NOSIP: variants seen among roughly 807,000 people sequenced by gnomAD.
NOSIP encodes the protein nitric oxide synthase-interacting protein.
A neutral mutation model predicts 36.4 loss-of-function variants in NOSIP; 25 were observed. The observed-to-expected ratio is 0.69, with a 90% CI of 0.50 to 0.96. The LOEUF (loss-of-function observed/expected upper bound fraction) is 0.96. Among genes scored for constraint, NOSIP ranks in the 40% least tolerant of loss-of-function variants. The pLI, the probability that NOSIP is intolerant of heterozygous loss-of-function variation, is 0.00. For synonymous variants in NOSIP, 187 were observed against 179.2 expected (o/e 1.04, Z -0.35); for missense variants, 370 against 429.0 (o/e 0.86, Z 1.21).
At chr19:49,572,953 A>G (rs1373609581) in intron 1 of NOSIP, among the ~76,000 whole-genome samples, 1 of 145,902 alleles carries the variant, frequency 6.9e-6, no homozygotes, top group Non-Finnish European at 1.5e-5. Flanking sequence ...AGCCTGGCCA[A>G]CAGATCAAGA....
chr19:49,555,671 T>TC lies in NOSIP; in HGVS notation c.*79dup, dbSNP rs1340210368. 2 of 1,222,862 alleles carry TC rather than the reference T, an allele frequency of 1.6e-6. No homozygotes were observed. The highest frequency in any genetic ancestry group is 2.4e-6 in the Non-Finnish European group (2 of 832,194). 75.8% of individuals were successfully genotyped at this position (1,222,862 alleles called of 1,614,324 possible). A position where few individuals can be genotyped will look rare whatever the true frequency, so the allele number is the denominator to read the frequency against. ...CGGCCCTGCATCCTCGCCTGCCCTGTCCCCGGGGCGCCCACGCCGCGAATG... is the reference window on the plus strand; with the variant it reads ...CGGCCCTGCATCCTCGCCTGCCCTGTCCCCCGGGGCGCCCACGCCGCGAATG... On this transcript the variant is annotated 3_prime_UTR_variant, in exon 9 of 9. Transcript: ENST00000596358.
At chr19:49,555,918 G>A in intron 8 of NOSIP, 96 bp from the exon 9 acceptor site, 2 of 877,958 alleles carry the variant, frequency 2.3e-6, no homozygotes, top group Non-Finnish European at 3.7e-6. Context: ...GGGTCAAGGT[G>A]AAGCGGGTTG....
At chr19:49,578,840 G>A (rs2080587366) in intron 1 of NOSIP, among the ~76,000 whole-genome samples, 1 of 150,890 alleles carries the variant, frequency 6.6e-6, no homozygotes, top group African/African-American at 2.4e-5. Context: ...AGCCAGGATG[G>A]TCTTGATCTC....
intron 3 of NOSIP, 45 bp from the exon 4 acceptor site, chr19:49,559,023 C>T (rs79151664): frequency 0.024 from 36,626 of 1,501,198 alleles, 540 homozygotes; most frequent in South Asian, 0.042. Context: ...GTGATCCTCC[C>T]GCCTCGGCCT....
chr19:49,558,838 G>A, intron 4 of NOSIP, 59 bp downstream of exon 4: 1 of 1,377,252 alleles, frequency 7.3e-7, no homozygotes, highest in East Asian at 2.3e-5. Context: ...GGCTCTGCCT[G>A]TGAGCTCAGA....
At chr19:49,559,322 G>A (rs2080299538) in intron 3 of NOSIP, 2 of 226,152 alleles carry the variant, frequency 8.8e-6, no homozygotes, top group Admixed American at 5.1e-5. Context: ...TTCGAGACCA[G>A]CCTGGGCAAC....
intron 1 of NOSIP, among the ~76,000 whole-genome samples, chr19:49,574,612 G>A (rs985865798): frequency 2.0e-5 from 3 of 152,176 alleles, no homozygotes; most frequent in Non-Finnish European, 4.4e-5. Context: ...AGTTCCTGAG[G>A]CTGGAAGTCT....
intron 1 of NOSIP, among the ~76,000 whole-genome samples, chr19:49,562,621 CT>C (rs1461732958): frequency 6.6e-6 from 1 of 152,098 alleles, no homozygotes. Flanking sequence ...TGGCTGATGC[CT>C]GTAATCCCAG....
At chr19:49,568,670 T>G (rs1380545918) in intron 1 of NOSIP, among the ~76,000 whole-genome samples, 4 of 151,698 alleles carry the variant, frequency 2.6e-5, no homozygotes, top group African/African-American at 9.7e-5. Flanking sequence ...AGAGGCTGGG[T>G]GCCGTGGCTC....
chr19:49,559,078 C>T (rs2080296518), intron 3 of NOSIP, 100 bp from the exon 4 acceptor site: 1 of 902,334 alleles, frequency 1.1e-6, no homozygotes, highest in East Asian at 2.4e-5. Flanking sequence ...TGATCAGTCC[C>T]AAGTTCAATT....
At chr19:49,564,475 A>AT (rs1568405926) in intron 1 of NOSIP, among the ~76,000 whole-genome samples, 2 of 151,140 alleles carry the variant, frequency 1.3e-5, no homozygotes, top group East Asian at 1.9e-4. Flanking sequence ...AAAAAAAAAA[A>AT]ACAAAATAAA....
In NOSIP at chr19:49,560,666, G is replaced by GTGCA; in HGVS notation, c.22_25dup (p.Thr9MetfsTer59). 6.3e-7 allele frequency: 1 copy of GTGCA among 1,596,362 alleles called. No homozygotes were observed. ...GTGGTAGGTGTAGACGGCCCCTGCG[G>GTGCA]TGCAGTTCTTGCCATGCCGCGTCAT... On this transcript the variant is annotated frameshift_variant, in exon 2 of 9. Coordinates refer to ENST00000596358, the MANE Select transcript of NOSIP (RefSeq NM_001270960.2). LOFTEE classifies it high-confidence loss of function. The surrounding 1 kb of genome is among the most constrained non-coding windows in gnomAD (Gnocchi z 4.6).
At chr19:49,556,086 G>A (rs1187357835) in intron 8 of NOSIP, among the ~76,000 whole-genome samples, 1 of 138,096 alleles carries the variant, frequency 7.2e-6, no homozygotes, top group Non-Finnish European at 1.6e-5. Flanking sequence ...TGGAGGCAGG[G>A]AAGGGGCGGG....
intron 1 of NOSIP, among the ~76,000 whole-genome samples, chr19:49,562,090 C>T (rs920419518): frequency 2.6e-5 from 4 of 152,122 alleles, no homozygotes; most frequent in Non-Finnish European, 5.9e-5. Flanking sequence ...TTCACCAAGA[C>T]TGCTTGGCCA....
chr19:49,576,884 CAAAAAAAAA>C (rs58441193), intron 1 of NOSIP, among the ~76,000 whole-genome samples: 6 of 47,390 alleles, frequency 1.3e-4, no homozygotes, highest in African/African-American at 3.0e-4. Context: ...AACTCTGTCT[CAAAAAAAAA>C]AAAAAAAAAA....
At position 49,560,530 on chromosome 19, in the gene NOSIP, C is replaced by G. The variant is rs1337401013; in HGVS notation, c.70+92G>C. On this transcript the variant is annotated intron_variant, in intron 2 of 8. Transcript: ENST00000596358. The surrounding 1 kb of genome is among the most constrained non-coding windows in gnomAD (Gnocchi z 4.6). ...GTGTATATCGGGGGCGGGAGAGAGA[C>G]AGGGACAGAGGAAGCAAAACCTGGG... The G allele has an allele frequency of 9.5e-6, 9 of 949,468 alleles. No individual in the cohort carries two copies. The East Asian group carries it at 1.8e-4, about 19-fold the overall frequency. The allele number at this position is 949,468 out of a possible 1,614,324, so 58.8% of individuals were successfully genotyped here.
intron 4 of NOSIP, 23 bp downstream of exon 4, chr19:49,558,861 TGCCTCCGTGTGCC>T: frequency 6.4e-7 from 1 of 1,562,058 alleles, no homozygotes; most frequent in East Asian, 2.2e-5. Flanking sequence ...CAAAAGCTCC[TGCCTCCGTGTGCC>T]GCCTCCTCCC....
At position 49,560,791 on chromosome 19, in the gene NOSIP, G is replaced by T; in HGVS notation, c.-1-99C>A. 1.1e-6 allele frequency: 1 copy of T among 909,724 alleles called. No individual in the cohort carries two copies. 56.4% of individuals were successfully genotyped at this position (909,724 alleles called of 1,614,324 possible). A position where few individuals can be genotyped will look rare whatever the true frequency, so the allele number is the denominator to read the frequency against. On this transcript the variant is annotated intron_variant, in intron 1 of 8. Transcript: ENST00000596358. The surrounding 1 kb of genome is among the most constrained non-coding windows in gnomAD (Gnocchi z 4.6). The stretch of plus-strand genomic sequence containing the variant: ...CAGAGCTGATCTGCCCCCCTTGATG[G>T]GAAAGCGGAGGCGGAGAAGGGGGGT...
At chr19:49,557,956 C>CA (rs1268730920) in intron 4 of NOSIP, 1 of 985,920 alleles carries the variant, frequency 1.0e-6, no homozygotes, top group Non-Finnish European at 1.2e-6. Flanking sequence ...CTGCTTGGGA[C>CA]AAAAAGCCCA....
Sources: gnomAD v4.1 joint callset for allele counts (sites outside exome capture counted in the v4.1 genomes callset) on GRCh38, gnomAD v4.1.1 for gene constraint, Gnocchi (gnomAD v3.1) non-coding constraint, MANE v1.5 for transcripts, NCBI Gene and HGNC (gene_info 2026-07-23, HGNC 2026-07-21) for gene names.